Variants in HDAC9 observed in about 807,000 individuals in gnomAD.
HDAC9 encodes the protein histone deacetylase 9.
HDAC9 carries 41 observed loss-of-function variants against 139.4 expected under a neutral mutation model. That is an observed-to-expected ratio of 0.29 (90% confidence interval 0.23 to 0.38). The LOEUF is 0.38. HDAC9 is among the 10% of genes least tolerant of loss of function. HDAC9 has a pLI of 1.00. For synonymous variants in HDAC9, 517 were observed against 476.2 expected, an observed-to-expected ratio of 1.09 and a Z score of -1.12; for missense variants, 1,147 against 1,297.0, an observed-to-expected ratio of 0.88 and a Z score of 1.78.
At chr7:18,815,791 G>A (rs2129194643) in intron 17 of HDAC9, among the ~76,000 whole-genome samples, 1 of 152,264 alleles carries the variant, frequency 6.6e-6, no homozygotes, top group Non-Finnish European at 1.5e-5. Context: ...CCCTTGAGCT[G>A]GCTCAAAGAA....
intron 12 of HDAC9, among the ~76,000 whole-genome samples, chr7:18,718,432 C>T (rs1313560444): frequency 6.6e-6 from 1 of 151,738 alleles, no homozygotes; most frequent in Non-Finnish European, 1.5e-5. Context: ...GGGGTTTCAC[C>T]TTGTTGCCCA....
intron 14 of HDAC9, among the ~76,000 whole-genome samples, chr7:18,751,542 G>T (rs893546954): frequency 6.6e-6 from 1 of 152,048 alleles, no homozygotes; most frequent in African/African-American, 2.4e-5. Context: ...AGCGAAGAAA[G>T]TATTGCCCAT....
chr7:18,217,939 G>T (rs986893239), intron 2 of HDAC9, among the ~76,000 whole-genome samples: 1 of 152,158 alleles, frequency 6.6e-6, no homozygotes, highest in African/African-American at 2.4e-5. Flanking sequence ...GTGGGCTGGA[G>T]CTGCTGTTAT....
chr7:19,000,035 T>A lies in HDAC9; in HGVS notation c.*3973T>A, dbSNP rs1011475337. The stretch of plus-strand genomic sequence containing the variant: ...CTGAGAAAATAAGGGGAAAACAAGA[T>A]AGAAGTAAAAAACAACACACCTGTT... On this transcript the variant is annotated 3_prime_UTR_variant, in exon 26 of 26. Transcript: ENST00000686413. 6.6e-6 allele frequency: 1 copy of A among 152,158 alleles called. No individual in the cohort carries two copies. The highest frequency in any genetic ancestry group is 1.9e-4 in the East Asian group (1 of 5,188). The allele number at this position is 152,158 out of a possible 1,614,324, so 9.4% of individuals were successfully genotyped here. A position where few individuals can be genotyped will look rare whatever the true frequency, so the allele number is the denominator to read the frequency against.
chr7:18,606,343 C>T (rs1014493251), intron 6 of HDAC9, among the ~76,000 whole-genome samples: 1 of 152,080 alleles, frequency 6.6e-6, no homozygotes, highest in Non-Finnish European at 1.5e-5. Context: ...ATTAAAAATA[C>T]TTTTTAAAAC....
At chr7:18,361,268 A>G (rs1423594559) in intron 1 of HDAC9, among the ~76,000 whole-genome samples, 1 of 152,188 alleles carries the variant, frequency 6.6e-6, no homozygotes. Context: ...TTAAATTCCA[A>G]AAATTACAGG....
chr7:18,735,441 C>A (rs1285452204), intron 13 of HDAC9, among the ~76,000 whole-genome samples: 1 of 152,108 alleles, frequency 6.6e-6, no homozygotes, highest in Non-Finnish European at 1.5e-5. Flanking sequence ...TCCAGTTCAG[C>A]TTTCTACATA....
intron 1 of HDAC9, among the ~76,000 whole-genome samples, chr7:18,346,855 C>T (rs1377034659): frequency 6.6e-6 from 1 of 152,090 alleles, no homozygotes; most frequent in Non-Finnish European, 1.5e-5. Flanking sequence ...GCTGAGAGTG[C>T]AGGTCATTTT....
intron 6 of HDAC9, among the ~76,000 whole-genome samples, chr7:18,608,227 C>T (rs114655245): frequency 2.3e-4 from 35 of 152,102 alleles, no homozygotes; most frequent in African/African-American, 7.7e-4. Context: ...AAATTTTCAG[C>T]CTCTAACTCA....
At chr7:18,306,414 G>A (rs556363401) in intron 1 of HDAC9, among the ~76,000 whole-genome samples, 2 of 152,296 alleles carry the variant, frequency 1.3e-5, no homozygotes, top group African/African-American at 4.8e-5. Flanking sequence ...CTGCTATGAT[G>A]TGTTTTCAGA....
intron 1 of HDAC9, among the ~76,000 whole-genome samples, chr7:18,394,604 T>TTG (rs1028650544): frequency 5.3e-5 from 8 of 151,772 alleles, no homozygotes; most frequent in East Asian, 1.9e-4. Context: ...ATGTGTGGTT[T>TTG]TGTGTGTGTG....
chr7:18,775,408 G>T (rs531273835), intron 16 of HDAC9, among the ~76,000 whole-genome samples: 3 of 151,976 alleles, frequency 2.0e-5, no homozygotes, highest in Non-Finnish European at 2.9e-5. Context: ...GTAAAACAAG[G>T]TGTGCCTGTA....
intron 12 of HDAC9, among the ~76,000 whole-genome samples, chr7:18,715,938 C>T (rs1222894288): frequency 6.6e-6 from 1 of 152,122 alleles, no homozygotes; most frequent in East Asian, 1.9e-4. Context: ...TTCCACAGAT[C>T]CTAGACTGAG....
intron 2 of HDAC9, among the ~76,000 whole-genome samples, chr7:18,569,650 T>C (rs371479993): frequency 2.6e-5 from 4 of 152,198 alleles, no homozygotes; most frequent in African/African-American, 7.2e-5. Flanking sequence ...TCTAATTAAA[T>C]AGAAGCCATG....
chr7:18,121,954 A>G (rs1402975731), intron 1 of HDAC9, among the ~76,000 whole-genome samples: 1 of 152,166 alleles, frequency 6.6e-6, no homozygotes, highest in Non-Finnish European at 1.5e-5. Context: ...CTTGATTTGA[A>G]TCGGAATTAT....
chr7:18,175,062 G>T (rs1242953048), intron 2 of HDAC9, among the ~76,000 whole-genome samples: 1 of 152,218 alleles, frequency 6.6e-6, no homozygotes, highest in African/African-American at 2.4e-5. Context: ...TGCCCCTAGA[G>T]GTGGAGTCTA....
intron 21 of HDAC9, among the ~76,000 whole-genome samples, chr7:18,855,058 G>C (rs912527514): frequency 6.6e-6 from 1 of 152,118 alleles, no homozygotes; most frequent in Non-Finnish European, 1.5e-5. Context: ...TCAGATTTCA[G>C]AGGTAGTATG....
chr7:18,745,948 G>C (rs1787933217), intron 13 of HDAC9, among the ~76,000 whole-genome samples: 1 of 139,908 alleles, frequency 7.1e-6, no homozygotes, highest in Non-Finnish European at 1.5e-5. Flanking sequence ...CTGGAGTGCA[G>C]TGGCTCAATC....
At chr7:18,959,254 A>G (rs959983325) in intron 24 of HDAC9, among the ~76,000 whole-genome samples, 4 of 152,186 alleles carry the variant, frequency 2.6e-5, no homozygotes, top group Non-Finnish European at 5.9e-5. Flanking sequence ...TTGAAAGACT[A>G]TCACTTTAAG....
Sources: allele counts gnomAD v4.1 joint callset (sites outside exome capture counted in the v4.1 genomes callset), GRCh38; gene constraint gnomAD v4.1.1; transcripts MANE v1.5; gene names NCBI Gene and HGNC (gene_info 2026-07-23, HGNC 2026-07-21).